Variants in SYNE1 observed in about 807,000 individuals in gnomAD.
SYNE1 encodes the protein spectrin repeat containing nuclear envelope protein 1, also known as nesprin-1.
In SYNE1, 616 loss-of-function variants were observed where a neutral mutation model predicts 1,111.0. The ratio of observed to expected loss-of-function variants is 0.55; its 90% CI spans 0.52 to 0.59. The LOEUF (loss-of-function observed/expected upper bound fraction) is 0.59, where lower values mean the gene tolerates loss of function less well. Among genes scored for constraint, SYNE1 ranks in the 20% least tolerant of loss-of-function variants. The probability of loss-of-function intolerance (pLI) is 0.00; values close to 1 mark genes in which losing one functional copy is unlikely to be tolerated. For synonymous variants in SYNE1, 3,855 were observed against 3,825.8 expected (o/e 1.01, Z -0.28); for missense variants, 10,006 against 10,417.0 (o/e 0.96, Z 1.72).
At chr6:152,249,584 T>C (rs765116599) in intron 104 of SYNE1, among the ~76,000 whole-genome samples, 2 of 152,182 alleles carry the variant, frequency 1.3e-5, no homozygotes, top group African/African-American at 2.4e-5. Flanking sequence ...CACAGAAATA[T>C]TATATTAGTG....
rs546183700 is a variant in SYNE1, at chr6:152,177,256, A to C, written c.23461-696T>G. 2.0e-5 allele frequency among the ~76,000 whole-genome samples: 3 copies of C among 152,278 alleles called. No homozygotes were observed. In the South Asian group the frequency reaches 6.2e-4, roughly 32 times the overall value. On this transcript the variant is annotated intron_variant, in intron 129 of 145. Coordinates refer to ENST00000367255, the MANE Select transcript of SYNE1 (RefSeq NM_182961.4). ...GTTTGAGTTAAAGAGGACAGACTCC[A>C]TATGGACTATTTGCAAGAGATAAGC...
At position 152,419,726 on chromosome 6, in the gene SYNE1, T is replaced by C; in HGVS notation, c.5268-4A>G. On this transcript the variant is annotated splice_polypyrimidine_tract_variant and splice_region_variant and intron_variant, in intron 39 of 145. Coordinates refer to ENST00000367255, the MANE Select transcript of SYNE1 (RefSeq NM_182961.4). Reference sequence around the variant, plus strand: ...CACAGACTGAAGAAAATTAATCCTATGTAGACAAAGTATTAAAGTTAAAAT... The same window carrying C: ...CACAGACTGAAGAAAATTAATCCTACGTAGACAAAGTATTAAAGTTAAAAT... The C allele has an allele frequency of 1.2e-6, 2 of 1,613,902 alleles. No individual in the cohort carries two copies. The highest frequency in any genetic ancestry group is 1.7e-6 in the Non-Finnish European group (2 of 1,179,860).
At chr6:152,557,846 G>A (rs2099374909) in intron 3 of SYNE1, among the ~76,000 whole-genome samples, 1 of 151,768 alleles carries the variant, frequency 6.6e-6, no homozygotes, top group African/African-American at 2.4e-5. Flanking sequence ...ATAAAAGAAA[G>A]CTAATTAACA....
At chr6:152,162,727 A>T (rs2062783054) in intron 131 of SYNE1, among the ~76,000 whole-genome samples, 2 of 152,182 alleles carry the variant, frequency 1.3e-5, no homozygotes, top group South Asian at 4.1e-4. Flanking sequence ...TAGCTAGAAG[A>T]GAAGATTTTG....
At chr6:152,441,593 A>T (rs1193060383) in intron 31 of SYNE1, among the ~76,000 whole-genome samples, 3 of 152,224 alleles carry the variant, frequency 2.0e-5, no homozygotes, top group Non-Finnish European at 2.9e-5. Flanking sequence ...TCTGTCTCAA[A>T]CAAGAAAGGA....
At chr6:152,570,470 C>G (rs2099445997) in intron 3 of SYNE1, among the ~76,000 whole-genome samples, 1 of 152,048 alleles carries the variant, frequency 6.6e-6, no homozygotes, top group African/African-American at 2.4e-5. Flanking sequence ...AGTGAGATCT[C>G]CGAAAAACAA....
rs756884141 is a variant in SYNE1 at position 152,321,702 on chromosome 6, TGAG to T, written c.16083+16_16083+18del. ...TTTTTGAAATGATGGGTAAAGAGAATGAGGAGACTTTTTTGTACCTGAAGTTCT... is the reference window on the plus strand; with the variant it reads ...TTTTTGAAATGATGGGTAAAGAGAATGAGACTTTTTTGTACCTGAAGTTCT... On this transcript the variant is annotated intron_variant, in intron 83 of 145. Transcript: ENST00000367255. 78 of 1,613,962 alleles carry T rather than the reference TGAG, an allele frequency of 4.8e-5. No individual in the cohort carries two copies. The highest frequency in any genetic ancestry group is 1.2e-4 in the Admixed American group (7 of 60,024).
intron 138 of SYNE1, among the ~76,000 whole-genome samples, chr6:152,143,196 C>T (rs2058828478): frequency 6.6e-6 from 1 of 152,154 alleles, no homozygotes; most frequent in African/African-American, 2.4e-5. Flanking sequence ...GAAAAACATT[C>T]CCAAGGTCAT....
At chr6:152,616,730 T>C (rs1028651) in intron 3 of SYNE1, among the ~76,000 whole-genome samples, 108,752 of 151,948 alleles carry the variant, frequency 0.72, 39,018 homozygotes, top group East Asian at 0.81. Context: ...ATTCTTCTTA[T>C]ACTTTTCTAC....
intron 12 of SYNE1, among the ~76,000 whole-genome samples, chr6:152,485,174 C>A (rs1338625828): frequency 1.3e-5 from 2 of 152,160 alleles, no homozygotes; most frequent in Non-Finnish European, 2.9e-5. Context: ...TAAGTGCTTT[C>A]TTCATATTAT....
At chr6:152,586,292 A>G (rs2099538671) in intron 3 of SYNE1, among the ~76,000 whole-genome samples, 3 of 152,072 alleles carry the variant, frequency 2.0e-5, no homozygotes, top group Non-Finnish European at 4.4e-5. Context: ...GTTATCTGAC[A>G]TCTTTATTGT....
chr6:152,347,826 G>A (rs1165008639), intron 72 of SYNE1, among the ~76,000 whole-genome samples: 1 of 150,324 alleles, frequency 6.7e-6, no homozygotes. Flanking sequence ...GATCACAGGT[G>A]CCCACCACCA....
chr6:152,580,974 C>T (rs1286154685), intron 3 of SYNE1, among the ~76,000 whole-genome samples: 1 of 152,216 alleles, frequency 6.6e-6, no homozygotes, highest in East Asian at 1.9e-4. Context: ...CTGTTAATAC[C>T]TGTAATGTTG....
At chr6:152,565,992 G>A (rs532699011) in intron 3 of SYNE1, among the ~76,000 whole-genome samples, 1 of 152,274 alleles carries the variant, frequency 6.6e-6, no homozygotes, top group African/African-American at 2.4e-5. Context: ...GAGGGCACAG[G>A]GGCAAGGAGA....
intron 145 of SYNE1, among the ~76,000 whole-genome samples, chr6:152,130,198 T>C (rs1375099562): frequency 1.3e-5 from 2 of 152,112 alleles, no homozygotes; most frequent in African/African-American, 2.4e-5. Flanking sequence ...GAGAAGGTAC[T>C]TATAAATTTC....
chr6:152,389,536 T>C (rs949329833), intron 53 of SYNE1, among the ~76,000 whole-genome samples: 14 of 152,166 alleles, frequency 9.2e-5, no homozygotes, highest in African/African-American at 3.4e-4. Flanking sequence ...TGGTCATTTG[T>C]CCAACAAATG....
At chr6:152,414,628 T>C (rs1469540206) in intron 41 of SYNE1, among the ~76,000 whole-genome samples, 1 of 152,170 alleles carries the variant, frequency 6.6e-6, no homozygotes, top group Non-Finnish European at 1.5e-5. Context: ...GGCTGGAATT[T>C]AAATAAGTCC....
chr6:152,432,404 T>C (rs2098437319), intron 34 of SYNE1, among the ~76,000 whole-genome samples: 1 of 152,152 alleles, frequency 6.6e-6, no homozygotes. Context: ...CACTGTAACT[T>C]TGCTTATTTC....
At chr6:152,466,127 G>T in intron 16 of SYNE1, 49 bp from the exon 17 acceptor site, 3 of 1,213,784 alleles carry the variant, frequency 2.5e-6, no homozygotes, top group Non-Finnish European at 2.4e-6. Flanking sequence ...GGCTCATGTA[G>T]AATGCCAAAG....
Sources: allele counts gnomAD v4.1 joint callset (sites outside exome capture counted in the v4.1 genomes callset), GRCh38; gene constraint gnomAD v4.1.1; transcripts MANE v1.5; gene names NCBI Gene and HGNC (gene_info 2026-07-23, HGNC 2026-07-21).